The following RFX6 variants were observed in gnomAD, a reference collection of about 807,000 sequenced individuals.
RFX6 encodes DNA-binding protein RFX6.
Under a neutral mutation model 110.8 loss-of-function variants are expected in RFX6, and 50 were observed. That is an observed-to-expected ratio of 0.45 (90% CI 0.36 to 0.57). RFX6 has a LOEUF of 0.57. Ranked by LOEUF, RFX6 falls within the 20% of genes least tolerant of loss-of-function variation. RFX6 has a pLI of 0.00. For missense variants in RFX6, 990 were observed against 1,127.0 expected, an observed-to-expected ratio of 0.88 and a Z score of 1.74; for synonymous variants, 383 against 411.2, an observed-to-expected ratio of 0.93 and a Z score of 0.83.
At chr6:116,911,499 C>G (rs370521165) in intron 7 of RFX6, among the ~76,000 whole-genome samples, 1 of 152,144 alleles carries the variant, frequency 6.6e-6, no homozygotes, top group Non-Finnish European at 1.5e-5. Context: ...ACTTTCCTTA[C>G]TTCTAAAATT....
chr6:116,917,902 A>T (rs1775502627), intron 9 of RFX6, 135 bp from the exon 10 acceptor site: 1 of 656,164 alleles, frequency 1.5e-6, no homozygotes, highest in Non-Finnish European at 2.7e-6. Flanking sequence ...TTTGGAGATA[A>T]AATTATAACT....
intron 18 of RFX6, 28 bp from the exon 19 acceptor site, chr6:116,931,302 TC>T: frequency 6.4e-7 from 1 of 1,557,186 alleles, no homozygotes; most frequent in Non-Finnish European, 8.9e-7. Flanking sequence ...CAATCAATTT[TC>T]AATTGCTGAT....
At position 116,877,244 on chromosome 6, in the gene RFX6, G is replaced by C. The variant is rs1272576724; in HGVS notation, c.-32G>C. On this transcript the variant is annotated 5_prime_UTR_variant, in exon 1 of 19. Coordinates refer to ENST00000332958, the MANE Select transcript of RFX6 (RefSeq NM_173560.4). ...GGCTCCGCTGGGGAACCGGCCGAGC[G>C]GCGCGCGCGGAGGTGTCCGGCGGCC... 2.6e-6 allele frequency: 4 copies of C among 1,548,890 alleles called. No homozygotes were observed. The South Asian group carries it at 4.7e-5, about 18-fold the overall frequency.
At chr6:116,921,973 C>A (rs1177518384) in intron 12 of RFX6, 69 bp from the exon 13 acceptor site, 1 of 753,610 alleles carries the variant, frequency 1.3e-6, no homozygotes, top group Non-Finnish European at 2.3e-6. Flanking sequence ...TTTAGGTTTT[C>A]TCTTGGATTC....
chr6:116,879,638 G>A (rs1001285550), intron 2 of RFX6, among the ~76,000 whole-genome samples: 42 of 151,718 alleles, frequency 2.8e-4, no homozygotes, highest in Non-Finnish European at 5.0e-4. Flanking sequence ...ATATTGCATC[G>A]TTTCTGCATT....
At chr6:116,927,002 G>T (rs1284374710) in intron 16 of RFX6, 25 bp from the exon 17 acceptor site, 1 of 1,602,396 alleles carries the variant, frequency 6.2e-7, no homozygotes, top group African/African-American at 1.3e-5. Context: ...TGACACTAAA[G>T]GAATGTTCTG....
Position 116,910,956 on chromosome 6 carries a change from T to G in RFX6, c.694T>G (p.Ser232Ala). The G allele has an allele frequency of 6.2e-7, 1 of 1,613,526 alleles. No homozygotes were observed. Among genetic ancestry groups the G allele is most frequent in the Non-Finnish European group, 8.5e-7 (1 of 1,179,512 alleles). ...KNEGGFTRKYSLSSKTGTLLP... is the reference protein window; with the variant it reads ...KNEGGFTRKYALSSKTGTLLP... The stretch of plus-strand genomic sequence containing the variant: ...ATAGGGTGGCTTCACTCGTAAATAT[T>G]CGCTTAGCTCAAAAACTGGAACACT... Residue 232 changes from serine to alanine, a missense_variant, in exon 7 of 19, where the codon TCG becomes GCG. By Grantham distance (99) the Ser-to-Ala change is moderately conservative (BLOSUM62 1). Transcript: ENST00000332958.
At chr6:116,879,521 A>T (rs1338326288) in intron 2 of RFX6, among the ~76,000 whole-genome samples, 1 of 151,808 alleles carries the variant, frequency 6.6e-6, no homozygotes, top group Non-Finnish European at 1.5e-5. Flanking sequence ...AATGAGTGAT[A>T]TTTTACCTGT....
At chr6:116,927,592 A>T (rs1775774585) in intron 17 of RFX6, 53 bp downstream of exon 17, 2 of 1,463,286 alleles carry the variant, frequency 1.4e-6, no homozygotes, top group East Asian at 2.3e-5. Context: ...AATGAGGCAA[A>T]ATCAGACATT....
intron 4 of RFX6, among the ~76,000 whole-genome samples, chr6:116,887,412 C>T (rs962801213): frequency 6.6e-6 from 1 of 152,144 alleles, no homozygotes; most frequent in Non-Finnish European, 1.5e-5. Flanking sequence ...GCCAAGAAAA[C>T]CAGCAACCCC....
At chr6:116,882,287 T>C in intron 3 of RFX6, 80 bp from the exon 4 acceptor site, 2 of 974,508 alleles carry the variant, frequency 2.1e-6, no homozygotes, top group Admixed American at 3.4e-5. Flanking sequence ...ACATTTACTT[T>C]CCCCAAGTAA....
chr6:116,885,266 A>G (rs746977171), intron 4 of RFX6, among the ~76,000 whole-genome samples: 13 of 152,220 alleles, frequency 8.5e-5, no homozygotes, highest in Non-Finnish European at 1.8e-4. Context: ...GTGGGTATAC[A>G]ATATCTTATA....
intron 5 of RFX6, 62 bp downstream of exon 5, chr6:116,894,126 T>C (rs920402137): frequency 1.1e-5 from 10 of 892,904 alleles, no homozygotes; most frequent in Admixed American, 6.8e-5. Flanking sequence ...ATGATACCTA[T>C]TGAATAAAAT....
intron 4 of RFX6, among the ~76,000 whole-genome samples, chr6:116,890,239 T>C (rs930091183): frequency 2.6e-5 from 4 of 152,136 alleles, no homozygotes; most frequent in Non-Finnish European, 4.4e-5. Flanking sequence ...TTTTTGAATG[T>C]CTGTTTTGGA....
chr6:116,885,463 C>A (rs970662373), intron 4 of RFX6, among the ~76,000 whole-genome samples: 2 of 152,052 alleles, frequency 1.3e-5, no homozygotes, highest in Admixed American at 6.6e-5. Flanking sequence ...CTAATCCTTG[C>A]AATAATGATA....
At chr6:116,883,429 G>A (rs1774634772) in intron 4 of RFX6, among the ~76,000 whole-genome samples, 1 of 152,058 alleles carries the variant, frequency 6.6e-6, no homozygotes, top group Non-Finnish European at 1.5e-5. Context: ...ACTGATCAAT[G>A]AAAGTATAAT....
At chr6:116,882,937 C>G (rs1018594834) in intron 4 of RFX6, among the ~76,000 whole-genome samples, 1 of 152,028 alleles carries the variant, frequency 6.6e-6, no homozygotes, top group Non-Finnish European at 1.5e-5. Flanking sequence ...AGCTGTCACA[C>G]ATTCCCCCTC....
chr6:116,901,246 G>A (rs1172497093), intron 6 of RFX6, among the ~76,000 whole-genome samples: 2 of 152,112 alleles, frequency 1.3e-5, no homozygotes, highest in Non-Finnish European at 2.9e-5. Context: ...GTTTTATTGG[G>A]ATGTAACCCC....
At chr6:116,909,240 T>C (rs1775278511) in intron 6 of RFX6, among the ~76,000 whole-genome samples, 1 of 152,154 alleles carries the variant, frequency 6.6e-6, no homozygotes, top group Non-Finnish European at 1.5e-5. Context: ...TCTTTTCCTA[T>C]ATCACCAAAT....
Sources: allele counts gnomAD v4.1 joint callset (sites outside exome capture counted in the v4.1 genomes callset), GRCh38; gene constraint gnomAD v4.1.1; transcripts MANE v1.5; gene names NCBI Gene and HGNC (gene_info 2026-07-23, HGNC 2026-07-21).